CSMD1: variants seen among roughly 807,000 people sequenced by gnomAD.
CSMD1 encodes CUB and Sushi multiple domains 1, also known as CUB and sushi domain-containing protein 1.
Under a neutral mutation model 417.5 loss-of-function variants are expected in CSMD1, and 213 were observed. The ratio of observed to expected loss-of-function variants is 0.51; its 90% confidence interval spans 0.46 to 0.57. The LOEUF is 0.57. CSMD1 is among the 20% of genes least tolerant of loss of function. The pLI, the probability that CSMD1 is intolerant of heterozygous loss-of-function variation, is 0.00. For missense variants in CSMD1, 6,923 were observed against 4,529.7 expected, an observed-to-expected ratio of 1.53 and a Z score of -15.17; for synonymous variants, 2,862 against 1,736.8, an observed-to-expected ratio of 1.65 and a Z score of -16.11.
intron 13 of CSMD1, among the ~76,000 whole-genome samples, chr8:3,408,569 G>A (rs985213930): frequency 6.6e-6 from 1 of 151,258 alleles, no homozygotes; most frequent in Non-Finnish European, 1.5e-5. Context: ...ATATGGAAAA[G>A]TATATTCCTA....
chr8:4,053,755 T>G (rs2740885), intron 3 of CSMD1, among the ~76,000 whole-genome samples: 87,851 of 151,898 alleles, frequency 0.58, 26,072 homozygotes, highest in Non-Finnish European at 0.65. Context: ...CCTCTGGATA[T>G]GATGGCATTT....
At chr8:4,337,830 T>A (rs1328009274) in intron 3 of CSMD1, among the ~76,000 whole-genome samples, 1 of 152,172 alleles carries the variant, frequency 6.6e-6, no homozygotes, top group African/African-American at 2.4e-5. Flanking sequence ...CAGGTAATTA[T>A]AAAACTTCTT....
intron 2 of CSMD1, among the ~76,000 whole-genome samples, chr8:4,438,671 G>C (rs568997345): frequency 6.6e-6 from 1 of 152,296 alleles, no homozygotes; most frequent in South Asian, 2.1e-4. Context: ...CCTGCAGGTA[G>C]AGCCACTTAT....
chr8:3,488,063 A>G (rs1375240174), intron 11 of CSMD1, among the ~76,000 whole-genome samples: 1 of 150,272 alleles, frequency 6.7e-6, no homozygotes, highest in Non-Finnish European at 1.5e-5. Flanking sequence ...AACTCAAACC[A>G]AATAAATGTT....
chr8:3,445,730 G>A (rs1210292465), intron 12 of CSMD1, among the ~76,000 whole-genome samples: 2 of 152,060 alleles, frequency 1.3e-5, no homozygotes, highest in East Asian at 1.9e-4. Context: ...TGATTTATTC[G>A]AATAAAGTCC....
At chr8:4,264,844 T>C (rs1047068025) in intron 3 of CSMD1, among the ~76,000 whole-genome samples, 3 of 152,132 alleles carry the variant, frequency 2.0e-5, no homozygotes, top group African/African-American at 7.2e-5. Flanking sequence ...ATAATTTCAA[T>C]CCTAGATGAG....
intron 3 of CSMD1, among the ~76,000 whole-genome samples, chr8:4,247,257 A>G (rs1802770177): frequency 6.6e-6 from 1 of 152,194 alleles, no homozygotes; most frequent in South Asian, 2.1e-4. Flanking sequence ...ATTGAGTACA[A>G]TGACCAAAGA....
intron 7 of CSMD1, among the ~76,000 whole-genome samples, chr8:3,666,103 C>T (rs566073646): frequency 6.6e-6 from 1 of 152,266 alleles, no homozygotes; most frequent in East Asian, 1.9e-4. Context: ...ACCATGTTGG[C>T]CAGGCTGGTC....
chr8:3,677,540 C>G (rs2117581213), intron 7 of CSMD1, among the ~76,000 whole-genome samples: 1 of 152,242 alleles, frequency 6.6e-6, no homozygotes, highest in South Asian at 2.1e-4. Flanking sequence ...TGGCTGGGCT[C>G]AGCGAGAGGC....
At chr8:4,255,706 C>T (rs1400140383) in intron 3 of CSMD1, among the ~76,000 whole-genome samples, 1 of 152,208 alleles carries the variant, frequency 6.6e-6, no homozygotes, top group South Asian at 2.1e-4. Context: ...TTATCTTAGG[C>T]ACTGTGAGTT....
At chr8:4,056,393 ATTTCTTTTTTT>A (rs1046388411) in intron 3 of CSMD1, among the ~76,000 whole-genome samples, 4 of 141,680 alleles carry the variant, frequency 2.8e-5, no homozygotes, top group South Asian at 2.1e-4. Flanking sequence ...ATATTGGTGA[ATTTCTTTTTTT>A]TTTCTTTTTT....
chr8:4,138,205 A>ATT (rs562419797), intron 3 of CSMD1, among the ~76,000 whole-genome samples: 3,857 of 69,426 alleles, frequency 0.056, 689 homozygotes, highest in East Asian at 0.28. Flanking sequence ...GCAGCCTTAC[A>ATT]TTTTTTTTTT....
At chr8:3,547,907 T>C (rs1329467521) in intron 10 of CSMD1, among the ~76,000 whole-genome samples, 1 of 152,200 alleles carries the variant, frequency 6.6e-6, no homozygotes, top group African/African-American at 2.4e-5. Flanking sequence ...CTAAAATTAC[T>C]ACATGCACCA....
intron 1 of CSMD1, among the ~76,000 whole-genome samples, chr8:4,669,064 A>G (rs1805127594): frequency 6.6e-6 from 1 of 152,136 alleles, no homozygotes; most frequent in Non-Finnish European, 1.5e-5. Flanking sequence ...GAATTTACAC[A>G]GCTCTTAATT....
rs1224712220 is a variant in CSMD1 at position 4,051,850 on chromosome 8, T to TTTC, written c.416-19752_416-19751insGAA. Reference sequence around the variant, plus strand: ...TCTTCTCTTTCTTTTCTTTCTTTTCTTTTCTCTTTCTTTCTTTCCTTCCTC... The same window carrying TTTC: ...TCTTCTCTTTCTTTTCTTTCTTTTCTTTCTTTCTCTTTCTTTCTTTCCTTCCTC... On this transcript the variant is annotated intron_variant, in intron 3 of 69. Transcript: ENST00000635120. Among the ~76,000 whole-genome samples, 28 of 77,330 alleles carry TTTC rather than the reference T, an allele frequency of 3.6e-4. 1 individual carries two copies. Among genetic ancestry groups the TTTC allele is most frequent in the Middle Eastern group, 8.9e-3 (1 of 112 alleles). The allele number at this position is 77,330 out of a possible 152,430, so 50.7% of individuals were successfully genotyped here.
intron 10 of CSMD1, among the ~76,000 whole-genome samples, chr8:3,520,331 T>C (rs1797455583): frequency 6.6e-6 from 1 of 152,118 alleles, no homozygotes; most frequent in African/African-American, 2.4e-5. Flanking sequence ...ATCAGTGACA[T>C]AAACTGCAGA....
At chr8:2,989,301 C>G (rs956466891) in intron 54 of CSMD1, among the ~76,000 whole-genome samples, 2 of 152,010 alleles carry the variant, frequency 1.3e-5, no homozygotes, top group Non-Finnish European at 2.9e-5. Context: ...GTTTTAATAA[C>G]ATGCATATAA....
intron 12 of CSMD1, among the ~76,000 whole-genome samples, chr8:3,425,015 C>G (rs1487817150): frequency 2.6e-5 from 4 of 152,036 alleles, no homozygotes; most frequent in Non-Finnish European, 5.9e-5. Context: ...TTTTATTTTA[C>G]TTTTGTAGAG....
At chr8:3,307,470 C>CT (rs1355418978) in intron 25 of CSMD1, among the ~76,000 whole-genome samples, 2 of 152,276 alleles carry the variant, frequency 1.3e-5, no homozygotes, top group East Asian at 3.9e-4. Context: ...CAGAAGCTAA[C>CT]TGATACACTC....
Sources: allele counts gnomAD v4.1 joint callset (sites outside exome capture counted in the v4.1 genomes callset), GRCh38; gene constraint gnomAD v4.1.1; transcripts MANE v1.5; gene names NCBI Gene and HGNC (gene_info 2026-07-23, HGNC 2026-07-21).